C8orf34: variants seen among roughly 807,000 people sequenced by gnomAD.
C8orf34 encodes the protein uncharacterized protein C8orf34.
C8orf34 carries 65 observed loss-of-function variants against 68.3 expected under a neutral mutation model. The observed-to-expected ratio is 0.95, with a 90% CI of 0.78 to 1.17. C8orf34 has a LOEUF of 1.17. Ranked by LOEUF, C8orf34 falls within the 50% of genes most tolerant of loss-of-function variation. The probability of loss-of-function intolerance (pLI) is 0.00; values close to 1 mark genes in which losing one functional copy is unlikely to be tolerated. For synonymous variants in C8orf34, 244 were observed against 241.2 expected (o/e 1.01, Z -0.11); for missense variants, 664 against 655.4 (o/e 1.01, Z -0.14).
At chr8:68,333,327 T>C (rs1805711852) in intron 1 of C8orf34, among the ~76,000 whole-genome samples, 2 of 152,356 alleles carry the variant, frequency 1.3e-5, no homozygotes, top group Non-Finnish European at 2.9e-5. Context: ...CCATGCTTCG[T>C]ATTTTATTGA....
intron 7 of C8orf34, among the ~76,000 whole-genome samples, chr8:68,539,540 C>T (rs987271821): frequency 6.6e-6 from 1 of 152,056 alleles, no homozygotes; most frequent in Non-Finnish European, 1.5e-5. Context: ...TAAAATATCT[C>T]TAAATAGAAA....
chr8:68,346,818 A>T (rs144712563), intron 1 of C8orf34, among the ~76,000 whole-genome samples: 83 of 152,026 alleles, frequency 5.5e-4, no homozygotes, highest in Non-Finnish European at 9.4e-4. Flanking sequence ...CATTGTTTGG[A>T]TATACCATAG....
intron 1 of C8orf34, among the ~76,000 whole-genome samples, chr8:68,412,539 G>A (rs1223217746): frequency 6.6e-6 from 1 of 151,994 alleles, no homozygotes; most frequent in Admixed American, 6.6e-5. Flanking sequence ...AAATTCCTCA[G>A]TAGTTTTAAC....
At chr8:68,541,705 AG>A (rs1469708106) in intron 7 of C8orf34, among the ~76,000 whole-genome samples, 2 of 152,170 alleles carry the variant, frequency 1.3e-5, no homozygotes, top group African/African-American at 2.4e-5. Flanking sequence ...TTGATAGTTA[AG>A]TCTTACTTCT....
At chr8:68,669,932 A>T (rs16934890) in intron 8 of C8orf34, among the ~76,000 whole-genome samples, 32,952 of 152,148 alleles carry the variant, frequency 0.22, 3,854 homozygotes, top group Middle Eastern at 0.35. Flanking sequence ...TGTTGAAGAC[A>T]GTAACATGAA....
chr8:68,448,938 T>A (rs1811231639), intron 3 of C8orf34, among the ~76,000 whole-genome samples: 1 of 152,024 alleles, frequency 6.6e-6, no homozygotes, highest in Non-Finnish European at 1.5e-5. Context: ...AAAAGGTTAT[T>A]TAATTAAGAA....
At chr8:68,585,974 C>A (rs985419838) in intron 7 of C8orf34, among the ~76,000 whole-genome samples, 6 of 152,032 alleles carry the variant, frequency 3.9e-5, no homozygotes, top group African/African-American at 1.4e-4. Flanking sequence ...GTGGGGATTA[C>A]ATGGGAGTGT....
At chr8:68,768,177 C>T (rs1038664085) in intron 10 of C8orf34, among the ~76,000 whole-genome samples, 1 of 152,108 alleles carries the variant, frequency 6.6e-6, no homozygotes, top group Non-Finnish European at 1.5e-5. Flanking sequence ...CTCATGAGAG[C>T]TCCTTCAAGT....
intron 11 of C8orf34, among the ~76,000 whole-genome samples, chr8:68,786,327 C>G (rs1380235098): frequency 6.6e-6 from 1 of 152,104 alleles, no homozygotes; most frequent in Non-Finnish European, 1.5e-5. Flanking sequence ...GTTACCTCCT[C>G]CTATATGAAT....
intron 5 of C8orf34, among the ~76,000 whole-genome samples, chr8:68,493,979 A>T (rs1412162373): frequency 6.6e-6 from 1 of 152,214 alleles, no homozygotes; most frequent in African/African-American, 2.4e-5. Flanking sequence ...GCAGGAATGA[A>T]CTAAGATACC....
intron 3 of C8orf34, among the ~76,000 whole-genome samples, chr8:68,449,501 A>C (rs534414965): frequency 5.3e-5 from 8 of 152,208 alleles, no homozygotes; most frequent in African/African-American, 1.9e-4. Flanking sequence ...TATTCTGGAT[A>C]CTGGCATAAC....
At chr8:68,631,963 A>G (rs1474064692) in intron 7 of C8orf34, among the ~76,000 whole-genome samples, 1 of 152,206 alleles carries the variant, frequency 6.6e-6, no homozygotes, top group Non-Finnish European at 1.5e-5. Flanking sequence ...GGGCTAATAC[A>G]TAAAATTGGT....
intron 7 of C8orf34, among the ~76,000 whole-genome samples, chr8:68,575,354 T>C (rs1816871042): frequency 6.6e-6 from 1 of 152,082 alleles, no homozygotes; most frequent in Non-Finnish European, 1.5e-5. Context: ...TTTGTCAGGC[T>C]GTTATTCTTC....
intron 7 of C8orf34, among the ~76,000 whole-genome samples, chr8:68,613,064 A>T (rs1479310432): frequency 6.6e-6 from 1 of 152,182 alleles, no homozygotes; most frequent in Non-Finnish European, 1.5e-5. Context: ...CTATTTTCTC[A>T]TATGGGAACA....
At chr8:68,569,908 A>G (rs772025289) in intron 7 of C8orf34, among the ~76,000 whole-genome samples, 4 of 152,182 alleles carry the variant, frequency 2.6e-5, no homozygotes, top group Non-Finnish European at 5.9e-5. Context: ...GAAGAATTGA[A>G]TGAACTGCTA....
intron 1 of C8orf34, among the ~76,000 whole-genome samples, chr8:68,405,056 G>A (rs1200513784): frequency 6.6e-6 from 1 of 152,084 alleles, no homozygotes; most frequent in Non-Finnish European, 1.5e-5. Context: ...GCAGTTGTTT[G>A]TAGCTCTCCT....
chr8:68,700,599 G>A (rs956175867), intron 8 of C8orf34, among the ~76,000 whole-genome samples: 2 of 152,044 alleles, frequency 1.3e-5, no homozygotes, highest in African/African-American at 4.8e-5. Flanking sequence ...AATGTGCAAG[G>A]CCCTGATGTT....
intron 8 of C8orf34, among the ~76,000 whole-genome samples, chr8:68,680,718 T>C (rs1410710891): frequency 6.6e-6 from 1 of 152,108 alleles, no homozygotes; most frequent in African/African-American, 2.4e-5. Context: ...GAACTACTGA[T>C]AAGGGTCTAT....
intron 1 of C8orf34, among the ~76,000 whole-genome samples, chr8:68,415,158 G>A (rs557752408): frequency 6.6e-6 from 1 of 152,240 alleles, no homozygotes; most frequent in South Asian, 2.1e-4. Context: ...TCCATCGTAT[G>A]GAGAAAACTG....
Sources: allele counts gnomAD v4.1 joint callset (sites outside exome capture counted in the v4.1 genomes callset), GRCh38; gene constraint gnomAD v4.1.1; transcripts MANE v1.5; gene names NCBI Gene and HGNC (gene_info 2026-07-23, HGNC 2026-07-21).